Variants in C1QTNF3 observed in about 807,000 individuals in gnomAD.
C1QTNF3 encodes complement C1q tumor necrosis factor-related protein 3.
In C1QTNF3, 26 loss-of-function variants were observed where a neutral mutation model predicts 32.6. The observed-to-expected ratio is 0.80, with a 90% CI of 0.58 to 1.11. The LOEUF (loss-of-function observed/expected upper bound fraction) is 1.11. Among genes scored for constraint, C1QTNF3 ranks in the 50% least tolerant of loss-of-function variants. The probability of loss-of-function intolerance (pLI) is 0.00; values close to 1 mark genes in which losing one functional copy is unlikely to be tolerated. For synonymous variants in C1QTNF3, 155 were observed against 146.0 expected (o/e 1.06, Z -0.44); for missense variants, 362 against 398.2 (o/e 0.91, Z 0.77).
At chr5:34,220,575 G>T in the C1QTNF3 span, among the ~76,000 whole-genome samples, 2 of 151,772 alleles carry the variant, frequency 1.3e-5, no homozygotes, top group East Asian at 3.9e-4. Context: ...TTGCTCTAGG[G>T]AAGGAACATA....
chr5:34,039,975 G>A (rs1180066174), intron 1 of C1QTNF3, among the ~76,000 whole-genome samples: 1 of 152,148 alleles, frequency 6.6e-6, no homozygotes, highest in African/African-American at 2.4e-5. Flanking sequence ...ACTACTAGTC[G>A]AGCACCTCGT....
chr5:34,094,207 T>C, the C1QTNF3 span, among the ~76,000 whole-genome samples: 1 of 152,198 alleles, frequency 6.6e-6, no homozygotes, highest in East Asian at 1.9e-4. Context: ...TGCTAGTTCA[T>C]GTTATAGGAG....
At chr5:34,061,358 C>T in the C1QTNF3 span, among the ~76,000 whole-genome samples, 110 of 152,218 alleles carry the variant, frequency 7.2e-4, no homozygotes, top group Admixed American at 1.6e-3. Flanking sequence ...GTGAATCTAC[C>T]ATTCTGAGGT....
At chr5:34,197,465 A>C in the C1QTNF3 span, among the ~76,000 whole-genome samples, 1 of 152,244 alleles carries the variant, frequency 6.6e-6, no homozygotes, top group African/African-American at 2.4e-5. Flanking sequence ...ACGGTCAATC[A>C]ATGGTAAATA....
chr5:34,020,524 C>T lies in C1QTNF3; in HGVS notation c.*59G>A, dbSNP rs1404066855. On this transcript the variant is annotated 3_prime_UTR_variant, in exon 6 of 6. Transcript: ENST00000382065. The stretch of plus-strand genomic sequence containing the variant: ...CCCTCAACTTTAATGTTCCTCAGAT[C>T]GTAACAAATCAGCTCAGCTACAAGT... The T allele has an allele frequency of 2.6e-5, 41 of 1,565,926 alleles. No homozygotes were observed. The highest frequency in any genetic ancestry group is 9.0e-5 in the East Asian group (4 of 44,348).
At chr5:34,233,701 CG>C in the C1QTNF3 span, among the ~76,000 whole-genome samples, 1,963 of 32,162 alleles carry the variant, frequency 0.061, 51 homozygotes, top group African/African-American at 0.074. Context: ...TCAGGACATG[CG>C]TTTTTTTTTT....
chr5:34,225,869 A>G, the C1QTNF3 span, among the ~76,000 whole-genome samples: 10 of 151,988 alleles, frequency 6.6e-5, no homozygotes, highest in African/African-American at 2.4e-4. Flanking sequence ...AATGTAATAC[A>G]TGCATTGTTG....
chr5:34,204,489 AC>A, the C1QTNF3 span, among the ~76,000 whole-genome samples: 1 of 152,236 alleles, frequency 6.6e-6, no homozygotes, highest in Non-Finnish European at 1.5e-5. Flanking sequence ...CAAATCAGAC[AC>A]AGAAAGACAA....
the C1QTNF3 span, among the ~76,000 whole-genome samples, chr5:34,138,469 C>G: frequency 6.6e-6 from 1 of 151,900 alleles, no homozygotes; most frequent in Non-Finnish European, 1.5e-5. Context: ...TAGATAGAAA[C>G]TTGAAACCTA....
At chr5:34,056,477 T>TAG in the C1QTNF3 span, among the ~76,000 whole-genome samples, 97 of 87,240 alleles carry the variant, frequency 1.1e-3, no homozygotes, top group Admixed American at 1.6e-3. Context: ...TATATATATA[T>TAG]ATAGAGAGAG....
At chr5:34,146,016 A>G in the C1QTNF3 span, among the ~76,000 whole-genome samples, 1 of 152,238 alleles carries the variant, frequency 6.6e-6, no homozygotes, top group African/African-American at 2.4e-5. Flanking sequence ...TCAAAATAAT[A>G]AAAGCCATCT....
Position 34,020,530 on chromosome 5 carries a change from A to G in C1QTNF3, c.*53T>C. The stretch of plus-strand genomic sequence containing the variant: ...ACTTTAATGTTCCTCAGATCGTAAC[A>G]AATCAGCTCAGCTACAAGTCTTCCC... On this transcript the variant is annotated 3_prime_UTR_variant, in exon 6 of 6. Transcript: ENST00000382065. 1 of 1,581,986 alleles carries G rather than the reference A, an allele frequency of 6.3e-7. No individual in the cohort carries two copies. The highest frequency in any genetic ancestry group is 8.6e-7 in the Non-Finnish European group (1 of 1,158,158).
Position 34,023,947 on chromosome 5 carries a change from G to A in C1QTNF3, c.762C>T (p.Tyr254=). The change falls in exon 5 of 6, where the codon TAC becomes TAT. Residue 254 remains tyrosine (Y), a synonymous_variant. Coordinates refer to ENST00000382065, the MANE Select transcript of C1QTNF3 (RefSeq NM_181435.6). ...KHEDVEEVYV[Y]LMHNGNTVFS... ...AGACTGTGTTGCCATTGTGCATAAG[G>A]TACACATACACTTCCTCAACATCCT... The A allele has an allele frequency of 1.9e-6, 3 of 1,614,082 alleles. No homozygotes were observed. The highest frequency in any genetic ancestry group is 2.5e-6 in the Non-Finnish European group (3 of 1,180,008).
chr5:34,188,124 G>C, the C1QTNF3 span, among the ~76,000 whole-genome samples: 1 of 152,280 alleles, frequency 6.6e-6, no homozygotes, highest in Non-Finnish European at 1.5e-5. Flanking sequence ...TCAGGTTCTA[G>C]GTGGTGTTAA....
chr5:34,056,971 T>G, the C1QTNF3 span, among the ~76,000 whole-genome samples: 2 of 152,214 alleles, frequency 1.3e-5, no homozygotes, highest in Admixed American at 6.5e-5. Context: ...CTTACTGGAA[T>G]GTGAGCAGAG....
the C1QTNF3 span, chr5:34,166,628 T>A: frequency 6.6e-6 from 1 of 152,162 alleles, no homozygotes; most frequent in African/African-American, 2.4e-5. Context: ...TCACAAAGTA[T>A]TTTTTATAAA....
the C1QTNF3 span, among the ~76,000 whole-genome samples, chr5:34,112,391 G>A: frequency 1.3e-5 from 2 of 151,902 alleles, no homozygotes; most frequent in Admixed American, 1.3e-4. Context: ...AGGGTGCAGT[G>A]GCTCATACCT....
chr5:34,035,953 G>C (rs951816518), intron 1 of C1QTNF3, among the ~76,000 whole-genome samples, 195 bp from the exon 2 acceptor site: 4 of 136,432 alleles, frequency 2.9e-5, no homozygotes, highest in Non-Finnish European at 6.2e-5. Context: ...ATGATCAAAG[G>C]AAAAGGCAAC....
chr5:34,208,516 A>T, the C1QTNF3 span, among the ~76,000 whole-genome samples: 3 of 152,062 alleles, frequency 2.0e-5, no homozygotes, highest in South Asian at 2.1e-4. Flanking sequence ...AATCAGAAAT[A>T]TCTGTACACA....
Sources: gnomAD v4.1 joint callset for allele counts (sites outside exome capture counted in the v4.1 genomes callset) on GRCh38, gnomAD v4.1.1 for gene constraint, MANE v1.5 for transcripts, NCBI Gene and HGNC (gene_info 2026-07-23, HGNC 2026-07-21) for gene names.